DNAH8: variants seen among roughly 807,000 people sequenced by gnomAD.
The protein encoded by DNAH8 is dynein axonemal heavy chain 8.
In DNAH8, 382 loss-of-function variants were observed where a neutral mutation model predicts 562.1. The ratio of observed to expected loss-of-function variants is 0.68; its 90% CI spans 0.63 to 0.74. The LOEUF is 0.74. Among genes scored for constraint, DNAH8 ranks in the 30% least tolerant of loss-of-function variants. The pLI is 0.00. For missense variants in DNAH8, 5,203 were observed against 5,620.4 expected (o/e 0.93, Z 2.37); for synonymous variants, 1,881 against 1,919.4 (o/e 0.98, Z 0.52).
chr6:38,853,590 C>T (rs562901606), intron 41 of DNAH8, among the ~76,000 whole-genome samples: 23 of 152,212 alleles, frequency 1.5e-4, no homozygotes, highest in Non-Finnish European at 3.2e-4. Context: ...ATGAAGGATA[C>T]ATACATTGAG....
rs765470242 is a variant in DNAH8 at position 38,822,863 on chromosome 6, G to A, written c.3549G>A (p.Ala1183=). The change falls in exon 27 of 93, where the codon GCG becomes GCA. Residue 1183 remains alanine (A), a synonymous_variant. Coordinates refer to ENST00000327475, the MANE Select transcript of DNAH8 (RefSeq NM_001206927.2). The stretch of plus-strand genomic sequence containing the variant: ...GATCTTTTGAAGAAGCTATTCCTGC[G>A]AGGAAGCTGAAGAATTTTTACCCGG... The part of the protein sequence containing the change: ...EERSFEEAIP[A]RKLKNFYPGV... 9.4e-6 allele frequency: 15 copies of A among 1,601,850 alleles called. No homozygotes were observed. In the South Asian group the frequency reaches 1.0e-4, roughly 11 times the overall value.
intron 8 of DNAH8, among the ~76,000 whole-genome samples, chr6:38,742,777 A>G (rs1186892940): frequency 7.0e-6 from 1 of 142,840 alleles, no homozygotes; most frequent in Non-Finnish European, 1.6e-5. Context: ...AGACAACTGC[A>G]CTTTTCTATT....
In DNAH8 at chr6:38,722,970, C is replaced by T. The variant is rs1337077576; in HGVS notation, c.161C>T (p.Ala54Val). Residue 54 changes from alanine to valine, a missense_variant, in exon 2 of 93, where the codon GCT becomes GTT. Coordinates refer to ENST00000327475, the MANE Select transcript of DNAH8 (RefSeq NM_001206927.2). ...GGTTTCTCTCCTTCCGCAGAAGATG[C>T]TGTTTCTTCTGTGGTGGATTATCGG... The part of the protein sequence containing the change: ...EDGFSPSAED[A>V]VSSVVDYRDL... The T allele has an allele frequency of 1.2e-6, 2 of 1,612,636 alleles. No individual in the cohort carries two copies. Among genetic ancestry groups the T allele is most frequent in the Non-Finnish European group, 1.7e-6 (2 of 1,179,704 alleles).
chr6:38,726,986 C>T (rs547491928), intron 3 of DNAH8, among the ~76,000 whole-genome samples: 19 of 150,290 alleles, frequency 1.3e-4, no homozygotes, highest in Admixed American at 6.0e-4. Context: ...GCCTCCTGAG[C>T]TGCTGGGACT....
At chr6:38,923,491 A>G (rs1781875642) in intron 72 of DNAH8, 1 of 236,998 alleles carries the variant, frequency 4.2e-6, no homozygotes, top group Non-Finnish European at 8.2e-6. Flanking sequence ...GTGTGGATCA[A>G]TGGTTTGTTG....
At chr6:38,854,863 T>G (rs1487584885) in intron 41 of DNAH8, among the ~76,000 whole-genome samples, 3 of 149,940 alleles carry the variant, frequency 2.0e-5, no homozygotes, top group Non-Finnish European at 3.0e-5. Flanking sequence ...CACATATGTA[T>G]AAAATACTTT....
chr6:38,972,819 C>A (rs1452578316), intron 83 of DNAH8, among the ~76,000 whole-genome samples: 2 of 152,128 alleles, frequency 1.3e-5, no homozygotes, highest in African/African-American at 2.4e-5. Flanking sequence ...TAAGTGGGTC[C>A]ATGATGACAC....
At position 38,896,081 on chromosome 6, in the gene DNAH8, T is replaced by C. The variant is rs1347087847; in HGVS notation, c.8796T>C (p.Arg2932=). 2 of 1,614,160 alleles carry C rather than the reference T, an allele frequency of 1.2e-6. No homozygotes were observed. The highest frequency in any genetic ancestry group is 2.2e-5 in the South Asian group (2 of 91,074). Residue 2932 remains arginine (R), a synonymous_variant, in exon 60 of 93, where the codon CGT becomes CGC. Coordinates refer to ENST00000327475, the MANE Select transcript of DNAH8 (RefSeq NM_001206927.2). The part of the protein sequence containing the change: ...DEQWFNAHLT[R]AVEENIGSDA... ...AGTGGTTTAATGCACATCTTACTCG[T>C]GCAGTTGAAGAAAATATTGGCTCTG...
chr6:38,909,437 G>A, intron 64 of DNAH8, 81 bp from the exon 65 acceptor site: 1 of 1,253,384 alleles, frequency 8.0e-7, no homozygotes, highest in Admixed American at 1.8e-5. Context: ...TCACACTCTT[G>A]GGTCAGATTG....
chr6:38,724,240 C>T (rs996336418), intron 3 of DNAH8, among the ~76,000 whole-genome samples: 25 of 152,176 alleles, frequency 1.6e-4, no homozygotes, highest in African/African-American at 6.0e-4. Flanking sequence ...CTTGGCCTCC[C>T]AAAGTGCTGG....
Position 38,803,110 on chromosome 6 carries a change from C to T in DNAH8, c.2902-69C>T, listed in dbSNP as rs77249352. ...TAATTATAGTTTTATAAATTAAAGT[C>T]ATAGGACTAATTTTCACAGTGTTAC... On this transcript the variant is annotated intron_variant, in intron 21 of 92. Transcript: ENST00000327475. The T allele has an allele frequency of 1.4e-3, 1,529 of 1,083,518 alleles. 12 individuals carry two copies. The African/African-American group carries it at 0.021, about 15-fold the overall frequency. 67.1% of individuals were successfully genotyped at this position (1,083,518 alleles called of 1,614,324 possible).
At position 38,938,043 on chromosome 6, in the gene DNAH8, G is replaced by C; in HGVS notation, c.11633G>C (p.Ser3878Thr). 1.2e-6 allele frequency: 2 copies of C among 1,614,070 alleles called. No individual in the cohort carries two copies. Among genetic ancestry groups the C allele is most frequent in the Non-Finnish European group, 1.7e-6 (2 of 1,180,026 alleles). Residue 3878 changes from serine to threonine, a missense_variant, in exon 78 of 93, where the codon AGT becomes ACT. Around this residue, in one of 6 missense-constraint regions of DNAH8, gnomAD observed 1,399 missense variants for 1,518.4 expected, o/e 0.92. Coordinates refer to ENST00000327475, the MANE Select transcript of DNAH8 (RefSeq NM_001206927.2). ...ACCAAGCAGACAGCAGCTGAGGTAAGTGAAAAGTTGCATGTGGCTGCAGAA... is the reference window on the plus strand; with the variant it reads ...ACCAAGCAGACAGCAGCTGAGGTAACTGAAAAGTTGCATGTGGCTGCAGAA... Reference protein sequence around the residue: ...RTTKQTAAEVSEKLHVAAETE... With the variant: ...RTTKQTAAEVTEKLHVAAETE...
chr6:39,003,284 A>G (rs942502584), intron 88 of DNAH8, among the ~76,000 whole-genome samples: 1 of 152,218 alleles, frequency 6.6e-6, no homozygotes, highest in Non-Finnish European at 1.5e-5. Flanking sequence ...CTGGTGGGGC[A>G]TAAAGAGTAA....
At chr6:38,936,013 G>A (rs1414245122) in intron 77 of DNAH8, among the ~76,000 whole-genome samples, 3 of 150,954 alleles carry the variant, frequency 2.0e-5, no homozygotes, top group East Asian at 2.0e-4. Context: ...AGAAACTAAT[G>A]TGCTCAATCT....
intron 4 of DNAH8, 122 bp downstream of exon 4, chr6:38,730,108 G>A (rs1254337107): frequency 8.6e-6 from 5 of 578,434 alleles, no homozygotes; most frequent in Non-Finnish European, 1.5e-5. Flanking sequence ...AGAAGTTTAT[G>A]TATAAGAAAT....
rs1160788558 is a variant in DNAH8 at position 38,915,385 on chromosome 6, G to A, written c.10140+8G>A. The A allele has an allele frequency of 6.4e-7, 1 of 1,558,288 alleles. No individual in the cohort carries two copies. The highest frequency in any genetic ancestry group is 2.1e-5 in the Admixed American group (1 of 47,130). On this transcript the variant is annotated splice_region_variant and intron_variant, in intron 68 of 92. Coordinates refer to ENST00000327475, the MANE Select transcript of DNAH8 (RefSeq NM_001206927.2). ...GCAGAAGCAGCCCTGAATGTGAGCA[G>A]TGCATTGTTACCCCTTCCAACACAA...
chr6:38,863,301 G>A (rs554096330), intron 44 of DNAH8, among the ~76,000 whole-genome samples: 41 of 147,004 alleles, frequency 2.8e-4, no homozygotes, highest in Non-Finnish European at 5.2e-4. Flanking sequence ...ATGGTGGTGC[G>A]TGCCTGTAGT....
At chr6:38,776,068 C>T in intron 13 of DNAH8, 117 bp downstream of exon 13, 1 of 704,304 alleles carries the variant, frequency 1.4e-6, no homozygotes, top group Non-Finnish European at 2.4e-6. Context: ...GATTTAAGTT[C>T]CTCTTTCACA....
intron 88 of DNAH8, among the ~76,000 whole-genome samples, chr6:38,999,282 G>A (rs932813229): frequency 3.3e-5 from 5 of 152,122 alleles, no homozygotes; most frequent in Non-Finnish European, 4.4e-5. Context: ...GAGCAAAATG[G>A]TCATCTCTGC....
Sources: allele counts gnomAD v4.1 joint callset (sites outside exome capture counted in the v4.1 genomes callset), GRCh38; gene constraint gnomAD v4.1.1; regional missense constraint gnomAD v4.1.1; transcripts MANE v1.5; gene names NCBI Gene and HGNC (gene_info 2026-07-23, HGNC 2026-07-21).